Variants in TBC1D19 observed in about 807,000 individuals in gnomAD.
The protein encoded by TBC1D19 is TBC1 domain family member 19.
TBC1D19 carries 60 observed loss-of-function variants against 89.0 expected under a neutral mutation model. The observed-to-expected ratio is 0.67, with a 90% CI of 0.55 to 0.84. The LOEUF is 0.84. Ranked by LOEUF, TBC1D19 falls within the 40% of genes least tolerant of loss-of-function variation. The probability of loss-of-function intolerance (pLI) is 0.00; values close to 1 mark genes in which losing one functional copy is unlikely to be tolerated. For missense variants in TBC1D19, 500 were observed against 610.8 expected, an observed-to-expected ratio of 0.82 and a Z score of 1.91; for synonymous variants, 189 against 199.7, an observed-to-expected ratio of 0.95 and a Z score of 0.45.
At chr4:26,691,933 A>G (rs1218762871) in intron 13 of TBC1D19, among the ~76,000 whole-genome samples, 1 of 152,254 alleles carries the variant, frequency 6.6e-6, no homozygotes, top group Non-Finnish European at 1.5e-5. Flanking sequence ...TCAGCAGGAA[A>G]CTGTAACTAG....
intron 4 of TBC1D19, among the ~76,000 whole-genome samples, chr4:26,629,859 G>A (rs181675828): frequency 6.6e-6 from 1 of 151,624 alleles, no homozygotes; most frequent in African/African-American, 2.4e-5. Context: ...ATGTTTTTAT[G>A]TCTCAATTAC....
intron 13 of TBC1D19, among the ~76,000 whole-genome samples, chr4:26,694,445 G>T (rs2109181250): frequency 6.6e-6 from 1 of 152,350 alleles, no homozygotes; most frequent in South Asian, 2.1e-4. Context: ...AGGCCTGCCT[G>T]CCTCTGTAGA....
At position 26,718,146 on chromosome 4, in the gene TBC1D19, G is replaced by A. The variant is rs184653090; in HGVS notation, c.1039+129G>A. ...TACTTAAGATTTCTCTCAGATGACC[G>A]TAATTATCCTTTCATACCTCAAATC... is the stretch of plus-strand genomic sequence containing the variant. On this transcript the variant is annotated intron_variant, in intron 14 of 20. Transcript: ENST00000264866. 1.1e-3 allele frequency: 744 copies of A among 651,338 alleles called. 14 individuals are homozygous for A. In the South Asian group the frequency reaches 0.014, roughly 12 times the overall value. The allele number at this position is 651,338 out of a possible 1,614,324, so 40.3% of individuals were successfully genotyped here.
the TBC1D19 span, among the ~76,000 whole-genome samples, chr4:26,839,678 G>C: frequency 1.3e-5 from 2 of 152,080 alleles, no homozygotes; most frequent in Admixed American, 1.3e-4. Flanking sequence ...ACTGCCATCT[G>C]GCTTCCATCC....
chr4:26,605,603 G>T (rs1337510228), intron 1 of TBC1D19, among the ~76,000 whole-genome samples: 1 of 152,058 alleles, frequency 6.6e-6, no homozygotes, highest in Non-Finnish European at 1.5e-5. Flanking sequence ...GGTATTTCTA[G>T]TTCTAGATCC....
At chr4:26,633,722 C>T (rs778243533) in intron 4 of TBC1D19, among the ~76,000 whole-genome samples, 8 of 152,094 alleles carry the variant, frequency 5.3e-5, no homozygotes, top group Non-Finnish European at 1.2e-4. Flanking sequence ...AATTTTTCCC[C>T]CTTAGAATAA....
the TBC1D19 span, among the ~76,000 whole-genome samples, chr4:26,774,663 A>G: frequency 6.6e-6 from 1 of 152,242 alleles, no homozygotes; most frequent in Non-Finnish European, 1.5e-5. Flanking sequence ...AAACCTTGAT[A>G]AACTTACTTA....
the TBC1D19 span, among the ~76,000 whole-genome samples, chr4:26,812,654 G>T: frequency 6.6e-6 from 1 of 151,884 alleles, no homozygotes; most frequent in South Asian, 2.1e-4. This position sits in a 1 kb window ranked among gnomAD's most constrained non-coding sequence, Gnocchi z 4.2. Flanking sequence ...TCATTTCCAG[G>T]ACAAATCCTC....
chr4:26,738,950 C>T (rs1419954391), intron 16 of TBC1D19, among the ~76,000 whole-genome samples: 1 of 152,132 alleles, frequency 6.6e-6, no homozygotes, highest in Non-Finnish European at 1.5e-5. Context: ...GATTATAGAG[C>T]CCCAGAAATT....
intron 1 of TBC1D19, among the ~76,000 whole-genome samples, chr4:26,610,683 A>G (rs1371692479): frequency 6.6e-6 from 1 of 151,952 alleles, no homozygotes; most frequent in African/African-American, 2.4e-5. Flanking sequence ...GTTTCCACTT[A>G]TAAGTGGGAA....
At chr4:26,721,066 C>T (rs1716943581) in intron 15 of TBC1D19, among the ~76,000 whole-genome samples, 1 of 151,964 alleles carries the variant, frequency 6.6e-6, no homozygotes, top group South Asian at 2.1e-4. Context: ...CTACCTCTGT[C>T]CCTCTTTTAA....
At chr4:26,586,196 G>A (rs1577746340) in intron 1 of TBC1D19, among the ~76,000 whole-genome samples, 1 of 127,122 alleles carries the variant, frequency 7.9e-6, no homozygotes, top group Admixed American at 8.4e-5. Flanking sequence ...TTTTGCATAT[G>A]GATATCCAGT....
At chr4:26,649,966 GGTTTTTTGTCCTTGCGATA>G (rs1409985254) in intron 7 of TBC1D19, among the ~76,000 whole-genome samples, 1 of 30,922 alleles carries the variant, frequency 3.2e-5, no homozygotes, top group Non-Finnish European at 2.1e-3. Context: ...TGCGGTGTTT[GGTTTTTTGTCCTTGCGATA>G]GTTTGCTGAG....
chr4:26,779,858 G>A, the TBC1D19 span, among the ~76,000 whole-genome samples: 1 of 152,200 alleles, frequency 6.6e-6, no homozygotes, highest in Non-Finnish European at 1.5e-5. Context: ...CCAAGCAACT[G>A]TCATCAGCAG....
At chr4:26,783,169 C>T in the TBC1D19 span, among the ~76,000 whole-genome samples, 2 of 152,122 alleles carry the variant, frequency 1.3e-5, no homozygotes, top group African/African-American at 4.8e-5. Context: ...AATCCTCTGT[C>T]GTCATCTTGA....
At chr4:26,745,028 C>T (rs774925525) in intron 18 of TBC1D19, among the ~76,000 whole-genome samples, 22 of 152,054 alleles carry the variant, frequency 1.4e-4, no homozygotes, top group Admixed American at 3.9e-4. Context: ...TTTTTCTTCA[C>T]GTATTTGGAT....
At chr4:26,729,927 A>C (rs1178963898) in intron 15 of TBC1D19, among the ~76,000 whole-genome samples, 1 of 152,224 alleles carries the variant, frequency 6.6e-6, no homozygotes, top group African/African-American at 2.4e-5. Flanking sequence ...AATATTTGGT[A>C]GATGGATAAA....
intron 1 of TBC1D19, among the ~76,000 whole-genome samples, chr4:26,595,999 C>A (rs981345023): frequency 6.6e-6 from 1 of 151,790 alleles, no homozygotes; most frequent in East Asian, 1.9e-4. Context: ...CTTTGTCGCC[C>A]GGGCTGGAGT....
intron 13 of TBC1D19, among the ~76,000 whole-genome samples, chr4:26,695,914 G>T (rs979884721): frequency 6.6e-6 from 1 of 152,164 alleles, no homozygotes; most frequent in Non-Finnish European, 1.5e-5. Flanking sequence ...ATGACAAATT[G>T]TAAAGACCAG....
Sources: allele counts gnomAD v4.1 joint callset (sites outside exome capture counted in the v4.1 genomes callset), GRCh38; gene constraint gnomAD v4.1.1; non-coding constraint Gnocchi (gnomAD v3.1); transcripts MANE v1.5; gene names NCBI Gene and HGNC (gene_info 2026-07-23, HGNC 2026-07-21).